Variants in CLIC5 observed in about 807,000 individuals in gnomAD.
CLIC5 encodes chloride intracellular channel protein 5.
CLIC5 carries 20 observed loss-of-function variants against 24.7 expected under a neutral mutation model. The ratio of observed to expected loss-of-function variants is 0.81; its 90% CI spans 0.57 to 1.18. The LOEUF is 1.18. CLIC5 is among the 50% of genes most tolerant of loss of function. The pLI, the probability that CLIC5 is intolerant of heterozygous loss-of-function variation, is 0.00. For missense variants in CLIC5, 341 were observed against 326.1 expected, an observed-to-expected ratio of 1.05 and a Z score of -0.35; for synonymous variants, 159 against 135.6, an observed-to-expected ratio of 1.17 and a Z score of -1.20.
chr6:46,116,275 T>C, the CLIC5 span, among the ~76,000 whole-genome samples: 1 of 152,194 alleles, frequency 6.6e-6, no homozygotes, highest in African/African-American at 2.4e-5. Flanking sequence ...GTTTGTGCCT[T>C]GATCGGTTAA....
In CLIC5 at chr6:46,033,303, T is replaced by G. The variant is rs571824712; in HGVS notation, c.540+46400A>C. On this transcript the variant is annotated intron_variant, in intron 1 of 5. Coordinates refer to the CLIC5 transcript ENST00000185206. ...CACCCGGCCAAATCTATAGTTTTTT[T>G]TTTTTTAAGATGTATGCAGACTTAT... is the stretch of plus-strand genomic sequence containing the variant. Among the ~76,000 whole-genome samples the G allele has an allele frequency of 5.9e-5, 9 of 152,158 alleles. No individual in the cohort carries two copies. The South Asian group carries it at 1.9e-3, about 32-fold the overall frequency.
At chr6:45,912,615 G>T in intron 5 of CLIC5, 1 of 1,478,058 alleles carries the variant, frequency 6.8e-7, no homozygotes, top group Non-Finnish European at 9.1e-7. Context: ...ATGTGCCTCA[G>T]CTCATGCTGC....
intron 1 of CLIC5, among the ~76,000 whole-genome samples, chr6:45,995,847 C>G (rs1334281519): frequency 1.4e-4 from 21 of 152,180 alleles, no homozygotes. Context: ...TTATCCTCAG[C>G]AAGCTAACAC....
At chr6:46,036,618 A>C (rs1445471245) in intron 1 of CLIC5, among the ~76,000 whole-genome samples, 1 of 152,120 alleles carries the variant, frequency 6.6e-6, no homozygotes, top group Non-Finnish European at 1.5e-5. Flanking sequence ...CCGACTGCAA[A>C]GTCTTTGAGA....
exon 1 of CLIC5, chr6:46,079,978 A>G (rs1762880661): frequency 6.4e-7 from 1 of 1,551,642 alleles, no homozygotes; most frequent in Admixed American, 2.0e-5. Flanking sequence ...TGGAGTTCAG[A>G]GTATATCTCA....
At chr6:46,109,651 G>A in the CLIC5 span, among the ~76,000 whole-genome samples, 1 of 150,372 alleles carries the variant, frequency 6.7e-6, no homozygotes, top group East Asian at 2.0e-4. Flanking sequence ...AACTTTGTTT[G>A]AAACATTGCT....
chr6:45,964,153 C>T (rs1228699721), intron 1 of CLIC5, among the ~76,000 whole-genome samples: 11 of 152,202 alleles, frequency 7.2e-5, no homozygotes, highest in African/African-American at 2.2e-4. Flanking sequence ...TTTCTGCTCA[C>T]TAGCCCAGGT....
chr6:46,055,632 A>G (rs1768227780), intron 1 of CLIC5, among the ~76,000 whole-genome samples: 1 of 152,242 alleles, frequency 6.6e-6, no homozygotes, highest in Admixed American at 6.5e-5. Flanking sequence ...TGTGAAGGCA[A>G]GAACAGTGTC....
chr6:46,061,985 G>T (rs1762295392), intron 1 of CLIC5, among the ~76,000 whole-genome samples: 2 of 152,226 alleles, frequency 1.3e-5, no homozygotes, highest in African/African-American at 4.8e-5. Context: ...CCTACAGAAT[G>T]TTCTGTGATG....
At position 45,999,722 on chromosome 6, in the gene CLIC5, C is replaced by T. The variant is rs964936537; in HGVS notation, c.63+15758G>A. 6.1e-5 allele frequency among the ~76,000 whole-genome samples: 9 copies of T among 147,434 alleles called. 1 individual carries two copies. The highest frequency in any genetic ancestry group is 1.3e-4 in the Non-Finnish European group (9 of 67,422). On this transcript the variant is annotated intron_variant, in intron 1 of 5. Transcript: ENST00000339561. ...TTAATGAATAGTAAATCTATTTTCTCTTCCTTGTGGTTTTTTTTTTTTTTT... is the reference window on the plus strand; with the variant it reads ...TTAATGAATAGTAAATCTATTTTCTTTTCCTTGTGGTTTTTTTTTTTTTTT...
At chr6:45,941,319 C>T (rs536451957) in intron 4 of CLIC5, among the ~76,000 whole-genome samples, 1 of 152,290 alleles carries the variant, frequency 6.6e-6, no homozygotes, top group East Asian at 1.9e-4. Flanking sequence ...GGCAGTAAAG[C>T]CCCAAGCCTT....
upstream of CLIC5, among the ~76,000 whole-genome samples, chr6:46,083,502 A>G (rs1443394471): frequency 6.6e-6 from 1 of 152,154 alleles, no homozygotes; most frequent in Non-Finnish European, 1.5e-5. Flanking sequence ...TTCAAAGAAC[A>G]TCTTTATTTC....
chr6:46,095,401 T>C, the CLIC5 span, among the ~76,000 whole-genome samples: 110 of 152,328 alleles, frequency 7.2e-4, no homozygotes, highest in Middle Eastern at 0.014. Flanking sequence ...CTTTTAAAAA[T>C]AAGTTCCAAT....
chr6:45,915,979 T>C (rs954144741), intron 4 of CLIC5, among the ~76,000 whole-genome samples: 3 of 152,320 alleles, frequency 2.0e-5, no homozygotes, highest in African/African-American at 7.2e-5. Context: ...TTCCAGTAGA[T>C]ACAAGGCGGA....
intron 6 of CLIC5, among the ~76,000 whole-genome samples, chr6:45,888,933 A>AT (rs1396695158): frequency 2.0e-5 from 3 of 152,206 alleles, no homozygotes; most frequent in Non-Finnish European, 4.4e-5. Flanking sequence ...TCATTGCAGC[A>AT]TTTTTTGTAG....
At chr6:46,128,630 C>T in the CLIC5 span, among the ~76,000 whole-genome samples, 1 of 152,168 alleles carries the variant, frequency 6.6e-6, no homozygotes, top group African/African-American at 2.4e-5. Flanking sequence ...TAACAAGACG[C>T]GTTTTGCAGA....
At chr6:46,106,059 T>C in the CLIC5 span, among the ~76,000 whole-genome samples, 6 of 152,184 alleles carry the variant, frequency 3.9e-5, no homozygotes, top group Admixed American at 6.5e-5. Context: ...ACAAGAACTG[T>C]CTGCCTAGCC....
chr6:45,905,084 C>G (rs1762620489), intron 5 of CLIC5, among the ~76,000 whole-genome samples: 1 of 152,088 alleles, frequency 6.6e-6, no homozygotes, highest in Non-Finnish European at 1.5e-5. Flanking sequence ...ATGTAGTATT[C>G]CATGATGTAT....
At position 45,911,751 on chromosome 6, in the gene CLIC5, G is replaced by A. The variant is rs576499399; in HGVS notation, c.588+2477C>T. 41 of 985,310 alleles carry A rather than the reference G, an allele frequency of 4.2e-5. No individual in the cohort carries two copies. In the African/African-American group the frequency reaches 6.8e-4, roughly 16 times the overall value. The allele number at this position is 985,310 out of a possible 1,614,324, so 61.0% of individuals were successfully genotyped here. A position where few individuals can be genotyped will look rare whatever the true frequency, so the allele number is the denominator to read the frequency against. On this transcript the variant is annotated intron_variant, in intron 5 of 5. Transcript: ENST00000339561. ...TGTTCCCCTTCTTGTTTGTCTCCAG[G>A]GCTGAACATCGTCACTATGCTAGGC...
Sources: allele counts gnomAD v4.1 joint callset (sites outside exome capture counted in the v4.1 genomes callset), GRCh38; gene constraint gnomAD v4.1.1; transcripts MANE v1.5; gene names NCBI Gene and HGNC (gene_info 2026-07-23, HGNC 2026-07-21).